The following SLC28A1 variants were observed in gnomAD, a reference collection of about 807,000 sequenced individuals.
SLC28A1 encodes sodium/nucleoside cotransporter 1.
A neutral mutation model predicts 74.8 loss-of-function variants in SLC28A1; 64 were observed. The observed-to-expected ratio is 0.86, with a 90% CI of 0.70 to 1.05. The LOEUF (loss-of-function observed/expected upper bound fraction) is 1.05, where lower values mean the gene tolerates loss of function less well. Ranked by LOEUF, SLC28A1 falls within the 50% of genes least tolerant of loss-of-function variation. SLC28A1 has a pLI of 0.00. For missense variants in SLC28A1, 828 were observed against 822.8 expected (o/e 1.01, Z -0.08); for synonymous variants, 359 against 335.0 (o/e 1.07, Z -0.78).
At chr15:84,915,350 G>A (rs34644808) in intron 9 of SLC28A1, among the ~76,000 whole-genome samples, 17,530 of 152,188 alleles carry the variant, frequency 0.12, 1,338 homozygotes, top group Non-Finnish European at 0.15. Context: ...CCTCCCAGCT[G>A]CCCGGGCAGA....
the SLC28A1 span, among the ~76,000 whole-genome samples, chr15:84,959,307 G>A: frequency 6.6e-6 from 1 of 151,774 alleles, no homozygotes; most frequent in Non-Finnish European, 1.5e-5. Flanking sequence ...GTTTTGCCAT[G>A]TTGGCCAGGC....
At chr15:84,930,253 C>T (rs1251914530) in intron 12 of SLC28A1, among the ~76,000 whole-genome samples, 1 of 152,188 alleles carries the variant, frequency 6.6e-6, no homozygotes, top group Non-Finnish European at 1.5e-5. Context: ...CCAGGTGTGG[C>T]ACCATCCCAG....
At position 84,908,977 on chromosome 15, in the gene SLC28A1, C is replaced by A. The variant is rs77896049; in HGVS notation, c.795+182C>A. Among the ~76,000 whole-genome samples the A allele has an allele frequency of 1.6e-3, 236 of 152,200 alleles. 1 individual carries two copies. Among genetic ancestry groups the A allele is most frequent in the African/African-American group, 5.5e-3 (228 of 41,534 alleles). On this transcript the variant is annotated intron_variant, in intron 9 of 18. Coordinates refer to ENST00000394573, the MANE Select transcript of SLC28A1 (RefSeq NM_004213.5). ...CCCGGGAGGAGCCCAGCAATGTTCA[C>A]CTCATGAGATGTTTTTGCTATATTT...
At chr15:84,919,405 G>C (rs779084909) in intron 10 of SLC28A1, among the ~76,000 whole-genome samples, 3 of 152,146 alleles carry the variant, frequency 2.0e-5, no homozygotes, top group Non-Finnish European at 4.4e-5. Flanking sequence ...TATTATCTTT[G>C]TTCATTTTCT....
At chr15:84,936,012 T>A (rs1016220063) in intron 15 of SLC28A1, among the ~76,000 whole-genome samples, 2 of 131,618 alleles carry the variant, frequency 1.5e-5, no homozygotes, top group African/African-American at 3.0e-5. Context: ...TGGAGTGCAG[T>A]GGCTCGATCT....
chr15:84,894,536 C>T (rs960373674), intron 5 of SLC28A1, among the ~76,000 whole-genome samples: 3 of 152,160 alleles, frequency 2.0e-5, no homozygotes, highest in African/African-American at 4.8e-5. Context: ...GAACGCAGTC[C>T]GAGCACACAT....
the SLC28A1 span, among the ~76,000 whole-genome samples, chr15:84,967,750 C>T: frequency 3.3e-5 from 5 of 152,136 alleles, no homozygotes; most frequent in Admixed American, 1.3e-4. Flanking sequence ...CATTATGTCC[C>T]AGGTGACTGT....
At chr15:84,918,483 C>A in intron 9 of SLC28A1, 41 bp from the exon 10 acceptor site, 1 of 1,544,518 alleles carries the variant, frequency 6.5e-7, no homozygotes, top group Non-Finnish European at 9.0e-7. Flanking sequence ...CTGCATCCTG[C>A]CTGCCTCTAA....
chr15:84,937,096 C>A (rs1474870922), intron 15 of SLC28A1, among the ~76,000 whole-genome samples: 1 of 149,764 alleles, frequency 6.7e-6, no homozygotes, highest in Non-Finnish European at 1.5e-5. Flanking sequence ...TACATAGTTT[C>A]TGTCGTAGCA....
chr15:84,915,082 C>A (rs1968895643), intron 9 of SLC28A1, among the ~76,000 whole-genome samples: 1 of 152,166 alleles, frequency 6.6e-6, no homozygotes, highest in Non-Finnish European at 1.5e-5. Flanking sequence ...ATCCACTGGA[C>A]AAGCAGTCTA....
intron 6 of SLC28A1, among the ~76,000 whole-genome samples, chr15:84,903,283 C>T (rs1966841251): frequency 6.6e-6 from 1 of 152,236 alleles, no homozygotes; most frequent in African/African-American, 2.4e-5. Context: ...TTCCAGAGTG[C>T]CTGGGTTGAA....
At chr15:84,914,475 C>T (rs780877848) in intron 9 of SLC28A1, among the ~76,000 whole-genome samples, 1 of 152,214 alleles carries the variant, frequency 6.6e-6, no homozygotes, top group Non-Finnish European at 1.5e-5. Context: ...ATGGCAGGAC[C>T]TTGGCAATCT....
intron 13 of SLC28A1, 100 bp from the exon 14 acceptor site, chr15:84,934,926 T>G: frequency 9.8e-7 from 1 of 1,024,500 alleles, no homozygotes; most frequent in African/African-American, 1.6e-5. Context: ...TTTCCCGCTC[T>G]GAAATGCTCT....
intron 12 of SLC28A1, among the ~76,000 whole-genome samples, chr15:84,929,493 G>A (rs1389125066): frequency 1.3e-5 from 2 of 151,222 alleles, no homozygotes; most frequent in East Asian, 1.9e-4. Flanking sequence ...GCAGTGAGCC[G>A]AGATCGCCCC....
At chr15:84,910,590 T>C (rs961452745) in intron 9 of SLC28A1, among the ~76,000 whole-genome samples, 22 of 152,066 alleles carry the variant, frequency 1.4e-4, no homozygotes, top group African/African-American at 4.3e-4. Flanking sequence ...TAGCCAAGTG[T>C]GGTGGTGCAT....
At position 84,945,746 on chromosome 15, in the gene SLC28A1, T is replaced by C. The variant is rs149513351; in HGVS notation, c.*546T>C. On this transcript the variant is annotated 3_prime_UTR_variant, in exon 19 of 19. Transcript: ENST00000394573. ...GGGAGGCGTTCAGAGGGTTCCATGA[T>C]GGACTAGGTTTGGAACCACTGGGTT... 1.8e-5 allele frequency: 3 copies of C among 162,854 alleles called. No individual in the cohort carries two copies. Among genetic ancestry groups the C allele is most frequent in the African/African-American group, 4.8e-5 (2 of 41,682 alleles). The allele number at this position is 162,854 out of a possible 1,614,324, so 10.1% of individuals were successfully genotyped here.
chr15:84,927,242 G>A (rs979809400), intron 12 of SLC28A1, among the ~76,000 whole-genome samples: 1 of 152,130 alleles, frequency 6.6e-6, no homozygotes, highest in Non-Finnish European at 1.5e-5. Flanking sequence ...TCCTCTGAAG[G>A]TTCACTGAAA....
chr15:84,930,158 G>A (rs1240985304), intron 12 of SLC28A1, among the ~76,000 whole-genome samples: 1 of 152,262 alleles, frequency 6.6e-6, no homozygotes, highest in Non-Finnish European at 1.5e-5. Context: ...GTTCTCTGCC[G>A]TGACTCAGGT....
intron 15 of SLC28A1, among the ~76,000 whole-genome samples, chr15:84,937,229 C>T (rs911483017): frequency 3.3e-5 from 5 of 151,824 alleles, no homozygotes; most frequent in Admixed American, 2.0e-4. Context: ...TTGGGCCATT[C>T]AGACAATTCT....
Sources: allele counts gnomAD v4.1 joint callset (sites outside exome capture counted in the v4.1 genomes callset), GRCh38; gene constraint gnomAD v4.1.1; transcripts MANE v1.5; gene names NCBI Gene and HGNC (gene_info 2026-07-23, HGNC 2026-07-21).